ARNT: variants seen among roughly 807,000 people sequenced by gnomAD.
ARNT encodes aryl hydrocarbon receptor nuclear translocator, also known as class E basic helix-loop-helix protein 2.
Under a neutral mutation model 105.0 loss-of-function variants are expected in ARNT, and 30 were observed. The ratio of observed to expected loss-of-function variants is 0.29; its 90% CI spans 0.21 to 0.39. The LOEUF is 0.39. Among genes scored for constraint, ARNT ranks in the 10% least tolerant of loss-of-function variants. ARNT has a pLI of 1.00. For missense variants in ARNT, 748 were observed against 978.7 expected (o/e 0.76, Z 3.15); for synonymous variants, 304 against 344.0 (o/e 0.88, Z 1.29).
Position 150,810,493 on chromosome 1 carries a change from A to AT in ARNT, c.*1527dup, listed in dbSNP as rs1654530268. 3 of 221,838 alleles carry AT rather than the reference A, an allele frequency of 1.4e-5. No individual in the cohort carries two copies. In the East Asian group the frequency reaches 2.0e-4, roughly 15 times the overall value. 13.7% of individuals were successfully genotyped at this position (221,838 alleles called of 1,614,324 possible). A position where few individuals can be genotyped will look rare whatever the true frequency, so the allele number is the denominator to read the frequency against. Reference sequence around the variant, plus strand: ...CACTACCTGGCACCAGACTGGAGACATAAGGAAGGGAAACTCAGCAAATGG... The same window carrying AT: ...CACTACCTGGCACCAGACTGGAGACATTAAGGAAGGGAAACTCAGCAAATGG... On this transcript the variant is annotated 3_prime_UTR_variant, in exon 22 of 22. Transcript: ENST00000358595.
intron 1 of ARNT, among the ~76,000 whole-genome samples, chr1:150,864,854 T>C (rs2102393850): frequency 7.7e-6 from 1 of 130,214 alleles, no homozygotes; most frequent in African/African-American, 2.8e-5. Context: ...AAATTGCCCC[T>C]GAAGAAAACA....
At chr1:150,818,160 T>A (rs1656338515) in intron 14 of ARNT, 130 bp from the exon 15 acceptor site, 1 of 653,810 alleles carries the variant, frequency 1.5e-6, no homozygotes, top group Non-Finnish European at 2.6e-6. Context: ...AATCAATAAA[T>A]CCTTCATTAA....
chr1:150,872,732 G>A (rs991896509), intron 1 of ARNT, among the ~76,000 whole-genome samples: 5 of 152,130 alleles, frequency 3.3e-5, no homozygotes, highest in Admixed American at 1.3e-4. Context: ...AGTGCCCAAC[G>A]CAGGAAGATC....
chr1:150,861,530 C>G (rs1254126079), intron 1 of ARNT, among the ~76,000 whole-genome samples: 1 of 152,176 alleles, frequency 6.6e-6, no homozygotes, highest in Non-Finnish European at 1.5e-5. Flanking sequence ...AACTGTGGGG[C>G]TGAACATGGT....
chr1:150,856,846 G>A (rs1463755203), intron 2 of ARNT, among the ~76,000 whole-genome samples: 1 of 151,698 alleles, frequency 6.6e-6, no homozygotes, highest in Non-Finnish European at 1.5e-5. Flanking sequence ...TGTAATCCCA[G>A]TACTTTGGGA....
chr1:150,869,431 C>T (rs950543597), intron 1 of ARNT, among the ~76,000 whole-genome samples: 2 of 151,864 alleles, frequency 1.3e-5, no homozygotes, highest in East Asian at 1.9e-4. Context: ...GAGCTGAGAT[C>T]GTGCCACTGC....
intron 14 of ARNT, 135 bp downstream of exon 14, chr1:150,823,059 G>T: frequency 1.2e-6 from 1 of 809,616 alleles, no homozygotes; most frequent in Non-Finnish European, 1.7e-6. Context: ...TGGGACTACA[G>T]GCACATGCCA....
chr1:150,829,947 C>G lies in ARNT; in HGVS notation c.989G>C (p.Gly330Ala). The change falls in exon 11 of 22, where the codon GGC becomes GCC. Residue 330 changes from glycine to alanine, a missense_variant. Coordinates refer to ENST00000358595, the MANE Select transcript of ARNT (RefSeq NM_001668.4). ...CACTAGGCAAAACTTGCTTCCCTGG[C>G]CAGCCTCTGGGTCATCATCTGGGAG... ...VSLPDDDPEA[G>A]QGSKFCLVAI... The G allele has an allele frequency of 6.2e-7, 1 of 1,614,194 alleles. No homozygotes were observed. The highest frequency in any genetic ancestry group is 8.5e-7 in the Non-Finnish European group (1 of 1,180,028).
chr1:150,850,796 G>A (rs1663240876), intron 3 of ARNT, among the ~76,000 whole-genome samples: 1 of 150,778 alleles, frequency 6.6e-6, no homozygotes, highest in Non-Finnish European at 1.5e-5. Context: ...TGGGAACTGA[G>A]GAGCGCCTCT....
chr1:150,814,361 T>C, intron 19 of ARNT, 122 bp from the exon 20 acceptor site: 1 of 940,076 alleles, frequency 1.1e-6, no homozygotes, highest in Non-Finnish European at 1.6e-6. Flanking sequence ...CATCACTTAT[T>C]TCCTATTGTA....
chr1:150,814,983 T>C (rs1042492380), intron 19 of ARNT, among the ~76,000 whole-genome samples: 4 of 152,198 alleles, frequency 2.6e-5, no homozygotes, highest in African/African-American at 9.7e-5. Flanking sequence ...ATATGCATTA[T>C]AGAATATTCA....
intron 7 of ARNT, 47 bp from the exon 8 acceptor site, chr1:150,834,687 G>C (rs768493007): frequency 6.6e-7 from 1 of 1,514,502 alleles, no homozygotes; most frequent in East Asian, 2.3e-5. Flanking sequence ...TTTGTGTGTG[G>C]GGAAGAGGGG....
At chr1:150,826,165 T>G (rs1233603120) in intron 13 of ARNT, among the ~76,000 whole-genome samples, 2 of 152,306 alleles carry the variant, frequency 1.3e-5, no homozygotes, top group East Asian at 3.9e-4. Context: ...TCCACCTGCC[T>G]CAGCCTCCCA....
intron 10 of ARNT, among the ~76,000 whole-genome samples, chr1:150,831,243 A>G (rs587734337): frequency 5.1e-4 from 78 of 152,284 alleles, no homozygotes; most frequent in African/African-American, 1.8e-3. Flanking sequence ...CTACTTTCCA[A>G]TAATACCCAG....
At chr1:150,818,927 T>C (rs1321265949) in intron 14 of ARNT, among the ~76,000 whole-genome samples, 1 of 152,030 alleles carries the variant, frequency 6.6e-6, no homozygotes, top group African/African-American at 2.4e-5. Flanking sequence ...TTGTGTAATA[T>C]AAAGATGCAA....
intron 12 of ARNT, among the ~76,000 whole-genome samples, chr1:150,827,828 A>G (rs1370602977): frequency 6.6e-6 from 1 of 152,154 alleles, no homozygotes; most frequent in Non-Finnish European, 1.5e-5. Flanking sequence ...GCTTCTACAC[A>G]TTTTCACCAA....
At chr1:150,867,834 C>T (rs1666856186) in intron 1 of ARNT, among the ~76,000 whole-genome samples, 1 of 151,998 alleles carries the variant, frequency 6.6e-6, no homozygotes, top group African/African-American at 2.4e-5. Context: ...AGCACCTTCC[C>T]CTTCTCTCCC....
Position 150,836,485 on chromosome 1 carries a change from T to C in ARNT, c.495A>G (p.Lys165=), listed in dbSNP as rs1446679543. The part of the protein sequence containing the change: ...KPSFLTDQEL[K]HLILEAADGF... Reference sequence around the variant, plus strand: ...CATCTGCTGCCTCCAAGATCAAATGTTTCAGTTCCTGCGCAAGAAAAAGAA... The same window carrying C: ...CATCTGCTGCCTCCAAGATCAAATGCTTCAGTTCCTGCGCAAGAAAAAGAA... The change falls in exon 7 of 22, where the codon AAA becomes AAG. Residue 165 remains lysine, a synonymous_variant. Transcript: ENST00000358595. The C allele has an allele frequency of 6.2e-7, 1 of 1,613,714 alleles. No individual in the cohort carries two copies. Among genetic ancestry groups the C allele is most frequent in the East Asian group, 2.2e-5 (1 of 44,886 alleles).
At chr1:150,852,038 G>A (rs755183928) in intron 3 of ARNT, among the ~76,000 whole-genome samples, 1 of 134,688 alleles carries the variant, frequency 7.4e-6, no homozygotes, top group Non-Finnish European at 1.6e-5. Flanking sequence ...GCAAGACTCC[G>A]TCTCAAAAAA....
Sources: gnomAD v4.1 joint callset for allele counts (sites outside exome capture counted in the v4.1 genomes callset) on GRCh38, gnomAD v4.1.1 for gene constraint, MANE v1.5 for transcripts, NCBI Gene and HGNC (gene_info 2026-07-23, HGNC 2026-07-21) for gene names.